Variants in LGSN observed in about 807,000 individuals in gnomAD.
LGSN encodes the protein lengsin, lens protein with glutamine synthetase domain.
In LGSN, 21 loss-of-function variants were observed where a neutral mutation model predicts 19.5. That is an observed-to-expected ratio of 1.07 (90% confidence interval 0.76 to 1.55). The LOEUF is 1.55. Ranked by LOEUF, LGSN falls within the 40% of genes most tolerant of loss-of-function variation. LGSN has a pLI of 0.00. For synonymous variants in LGSN, 257 were observed against 215.6 expected, an observed-to-expected ratio of 1.19 and a Z score of -1.68; for missense variants, 673 against 608.5, an observed-to-expected ratio of 1.11 and a Z score of -1.12.
chr6:63,491,160 C>A, the LGSN span, among the ~76,000 whole-genome samples: 1 of 152,188 alleles, frequency 6.6e-6, no homozygotes, highest in Non-Finnish European at 1.5e-5. Flanking sequence ...GCACCTTTCT[C>A]TTCTCTATGG....
chr6:63,564,599 C>T, the LGSN span, among the ~76,000 whole-genome samples: 3 of 152,304 alleles, frequency 2.0e-5, no homozygotes, highest in South Asian at 6.2e-4. Flanking sequence ...TTAAACCTGT[C>T]AAGTGACAGC....
At chr6:63,560,394 C>A in the LGSN span, among the ~76,000 whole-genome samples, 1 of 142,736 alleles carries the variant, frequency 7.0e-6, no homozygotes. Context: ...AAAAACAAAA[C>A]ACAAAGCCTT....
the LGSN span, among the ~76,000 whole-genome samples, chr6:63,381,978 A>G: frequency 1.3e-5 from 2 of 152,184 alleles, no homozygotes; most frequent in African/African-American, 4.8e-5. Context: ...ACTATATCAC[A>G]TTTTCACACT....
the LGSN span, among the ~76,000 whole-genome samples, chr6:63,432,096 A>AGAAAGAAAGAAG: frequency 3.0e-3 from 127 of 41,658 alleles, 2 homozygotes; most frequent in Non-Finnish European, 5.0e-3. Flanking sequence ...AAGGAAAGAA[A>AGAAAGAAAGAAG]GAAAGAAAGA....
chr6:63,369,937 G>A, the LGSN span, among the ~76,000 whole-genome samples: 1 of 152,112 alleles, frequency 6.6e-6, no homozygotes, highest in Non-Finnish European at 1.5e-5. Flanking sequence ...AGGAGGCCGA[G>A]GCTGCAGTTA....
chr6:63,408,524 T>A, the LGSN span, among the ~76,000 whole-genome samples: 1 of 146,704 alleles, frequency 6.8e-6, no homozygotes, highest in Non-Finnish European at 1.5e-5. Context: ...TATACAAAAA[T>A]TAATTCAAGA....
the LGSN span, among the ~76,000 whole-genome samples, chr6:63,343,444 T>A: frequency 6.6e-6 from 1 of 152,182 alleles, no homozygotes; most frequent in African/African-American, 2.4e-5. Flanking sequence ...CTCACAATTT[T>A]TCAACTTATA....
At chr6:63,306,565 C>T (rs1188032702) in intron 1 of LGSN, among the ~76,000 whole-genome samples, 2 of 152,076 alleles carry the variant, frequency 1.3e-5, no homozygotes, top group Non-Finnish European at 1.5e-5. Context: ...ATAAACAAAA[C>T]ATAAAACATG....
chr6:63,465,141 G>A, the LGSN span, among the ~76,000 whole-genome samples: 2 of 151,922 alleles, frequency 1.3e-5, no homozygotes, highest in East Asian at 3.9e-4. Context: ...CTATATAATG[G>A]TGTGCTACTA....
chr6:63,368,675 CT>C, the LGSN span, among the ~76,000 whole-genome samples: 1 of 152,218 alleles, frequency 6.6e-6, no homozygotes, highest in Non-Finnish European at 1.5e-5. Context: ...CTATCAGCCT[CT>C]AATTTTTAAA....
the LGSN span, among the ~76,000 whole-genome samples, chr6:63,399,843 ATG>A: frequency 6.6e-6 from 1 of 152,046 alleles, no homozygotes; most frequent in Non-Finnish European, 1.5e-5. Context: ...CTACAGGTGT[ATG>A]CCATCACACC....
the LGSN span, among the ~76,000 whole-genome samples, chr6:63,442,887 A>AGCTGG: frequency 1.3e-5 from 2 of 152,340 alleles, no homozygotes; most frequent in Non-Finnish European, 2.9e-5. Flanking sequence ...TCAGGAGCCC[A>AGCTGG]GCTGGCTTCG....
At chr6:63,521,039 C>T in the LGSN span, among the ~76,000 whole-genome samples, 1 of 151,836 alleles carries the variant, frequency 6.6e-6, no homozygotes, top group Non-Finnish European at 1.5e-5. Context: ...ACAATGAGAA[C>T]ACATGGACAC....
intron 2 of LGSN, among the ~76,000 whole-genome samples, chr6:63,287,623 G>T (rs934509249): frequency 6.6e-6 from 1 of 152,018 alleles, no homozygotes; most frequent in African/African-American, 2.4e-5. Flanking sequence ...CACAAGAATC[G>T]CTTGAGCCTG....
the LGSN span, among the ~76,000 whole-genome samples, chr6:63,413,557 T>C: frequency 6.6e-6 from 1 of 152,198 alleles, no homozygotes; most frequent in Non-Finnish European, 1.5e-5. Context: ...GAGATTCCTG[T>C]GCTGTATTTC....
chr6:63,404,011 T>A, the LGSN span, among the ~76,000 whole-genome samples: 2 of 151,984 alleles, frequency 1.3e-5, no homozygotes, highest in Non-Finnish European at 2.9e-5. Context: ...CAAGCCGCCA[T>A]GAGTCCTACA....
the LGSN span, among the ~76,000 whole-genome samples, chr6:63,412,511 A>AG: frequency 1.2e-4 from 14 of 121,356 alleles, no homozygotes; most frequent in South Asian, 5.5e-4. Context: ...AGAAAGAAAG[A>AG]AAGAAAGAAA....
the LGSN span, among the ~76,000 whole-genome samples, chr6:63,424,526 C>T: frequency 6.6e-6 from 1 of 151,946 alleles, no homozygotes; most frequent in Non-Finnish European, 1.5e-5. Context: ...CACACACACA[C>T]ACACACACAC....
the LGSN span, among the ~76,000 whole-genome samples, chr6:63,472,598 T>C: frequency 1.3e-3 from 202 of 152,254 alleles, no homozygotes; most frequent in Non-Finnish European, 2.5e-3. Flanking sequence ...ACAATCCTCT[T>C]ATTCCACCAA....
Sources: allele counts gnomAD v4.1 joint callset (sites outside exome capture counted in the v4.1 genomes callset), GRCh38; gene constraint gnomAD v4.1.1; transcripts MANE v1.5; gene names NCBI Gene and HGNC (gene_info 2026-07-23, HGNC 2026-07-21).